MUC7: variants seen among roughly 807,000 people sequenced by gnomAD.
MUC7 encodes the protein mucin-7.
A neutral mutation model predicts 2.5 loss-of-function variants in MUC7; 2 were observed. The observed-to-expected ratio is 0.81, with a 90% CI of 0.33 to 2.55. The LOEUF is 2.55. Among genes scored for constraint, MUC7 ranks in the 30% most tolerant of loss-of-function variants. The pLI, the probability that MUC7 is intolerant of heterozygous loss-of-function variation, is 0.11. For synonymous variants in MUC7, 133 were observed against 173.4 expected (o/e 0.77, Z 1.83); for missense variants, 408 against 455.6 (o/e 0.90, Z 0.95).
chr4:70,449,673 C>G (rs1018140660), intron 1 of MUC7, among the ~76,000 whole-genome samples: 1 of 152,178 alleles, frequency 6.6e-6, no homozygotes, highest in African/African-American at 2.4e-5. Context: ...CACCGCGAGT[C>G]AGTAATGCTG....
intron 1 of MUC7, among the ~76,000 whole-genome samples, chr4:70,458,594 A>C (rs566831485): frequency 1.1e-3 from 173 of 152,252 alleles, no homozygotes; most frequent in African/African-American, 4.1e-3. Flanking sequence ...CACAAGGAAA[A>C]AAAGTAACAA....
chr4:70,436,491 C>T (rs760305651), intron 1 of MUC7, among the ~76,000 whole-genome samples: 9 of 152,114 alleles, frequency 5.9e-5, no homozygotes, highest in East Asian at 1.9e-4. Context: ...TTGATAAAAT[C>T]GGCTATTGAA....
chr4:70,442,525 G>A (rs1368895536), intron 1 of MUC7, among the ~76,000 whole-genome samples: 1 of 152,134 alleles, frequency 6.6e-6, no homozygotes, highest in African/African-American at 2.4e-5. Flanking sequence ...CTCCAGCCTA[G>A]GGGTACATAT....
intron 1 of MUC7, among the ~76,000 whole-genome samples, chr4:70,452,835 A>C (rs950208030): frequency 6.6e-6 from 1 of 152,144 alleles, no homozygotes; most frequent in African/African-American, 2.4e-5. Flanking sequence ...CTTTTCTTTC[A>C]GATCAAAGAA....
Position 70,465,167 on chromosome 4 carries a change from T to C in MUC7, c.-92-7048T>C, listed in dbSNP as rs182495667. Among the ~76,000 whole-genome samples, 12 of 152,240 alleles carry C rather than the reference T, an allele frequency of 7.9e-5. No individual in the cohort carries two copies. In the East Asian group the frequency reaches 2.3e-3, roughly 29 times the overall value. Reference sequence around the variant, plus strand: ...ACCTAGGGCAGAGGGGCCTGACTGTTAGAAGGAAAACTAATAAACAGAAAG... The same window carrying C: ...ACCTAGGGCAGAGGGGCCTGACTGTCAGAAGGAAAACTAATAAACAGAAAG... On this transcript the variant is annotated intron_variant, in intron 1 of 3. Transcript: ENST00000413702.
chr4:70,447,924 G>C (rs111793534), intron 1 of MUC7, among the ~76,000 whole-genome samples: 2 of 151,864 alleles, frequency 1.3e-5, no homozygotes, highest in Non-Finnish European at 2.9e-5. Flanking sequence ...CCATCCACAC[G>C]TGCCCCCAAC....
rs371209695 is a variant in MUC7 at position 70,460,057 on chromosome 4, G to T, written c.-92-12158G>T. ...GAATACAAAGACTTCCTAAATTAAA[G>T]TTATGGGCCCATTTTTGGTAACTAT... On this transcript the variant is annotated intron_variant, in intron 1 of 3. Transcript: ENST00000413702. Among the ~76,000 whole-genome samples the T allele has an allele frequency of 5.1e-4, 77 of 152,104 alleles. 2 individuals carry two copies. The South Asian group carries it at 0.016, about 31-fold the overall frequency.
chr4:70,474,535 A>G (rs1444871355), intron 2 of MUC7, among the ~76,000 whole-genome samples: 1 of 150,308 alleles, frequency 6.7e-6, no homozygotes, highest in Non-Finnish European at 1.5e-5. Flanking sequence ...ACAGATAGGT[A>G]GATAGACTAG....
At chr4:70,468,598 C>A (rs545042166), upstream of MUC7, among the ~76,000 whole-genome samples, 3 of 152,264 alleles carry the variant, frequency 2.0e-5, no homozygotes, top group East Asian at 3.9e-4. Context: ...AAATCACAAG[C>A]ATTCCTATAC....
chr4:70,481,279 C>G lies in MUC7; in HGVS notation c.535C>G (p.Pro179Ala), dbSNP rs913823703. The change falls in exon 3 of 3, where the codon CCA becomes GCA. Residue 179 changes from proline (P) to alanine (A), a missense_variant. Physicochemically the swap from Pro to Ala is conservative, Grantham distance 27 (BLOSUM62 -1). Around this residue, in one of 3 missense-constraint regions of MUC7, gnomAD observed 225 missense variants for 240.5 expected, o/e 0.94. Coordinates refer to ENST00000304887, the MANE Select transcript of MUC7 (RefSeq NM_152291.3). ...CACACCTTCTGCAACTACACCAGCT[C>G]CACCATCTTCCTCAGCTCCACCAGA... ...PPTPSATTPA[P>A]PSSSAPPETT... 6.2e-7 allele frequency: 1 copy of G among 1,613,678 alleles called. No homozygotes were observed. The highest frequency in any genetic ancestry group is 1.3e-5 in the African/African-American group (1 of 74,826).
At chr4:70,434,057 C>T (rs1733754198) in intron 1 of MUC7, among the ~76,000 whole-genome samples, 1 of 152,028 alleles carries the variant, frequency 6.6e-6, no homozygotes, top group Non-Finnish European at 1.5e-5. Flanking sequence ...AGCCTTGCAT[C>T]ACAAGGACGA....
At chr4:70,430,724 A>G (rs1733637179) in intron 1 of MUC7, 1 of 152,150 alleles carries the variant, frequency 6.6e-6, no homozygotes, top group Non-Finnish European at 1.5e-5. Flanking sequence ...AGACTTTTGA[A>G]TAGAGAATCA....
At chr4:70,449,866 G>A (rs916757868) in intron 1 of MUC7, among the ~76,000 whole-genome samples, 1 of 152,184 alleles carries the variant, frequency 6.6e-6, no homozygotes, top group Non-Finnish European at 1.5e-5. Flanking sequence ...CACCTCTGTG[G>A]CTACCACCAC....
At chr4:70,477,145 C>T (rs1735028114) in intron 2 of MUC7, among the ~76,000 whole-genome samples, 1 of 152,136 alleles carries the variant, frequency 6.6e-6, no homozygotes, top group African/African-American at 2.4e-5. Flanking sequence ...TGCCGTGGCT[C>T]ACACCTGTAA....
At chr4:70,431,830 G>A (rs1279926152) in intron 1 of MUC7, among the ~76,000 whole-genome samples, 1 of 152,060 alleles carries the variant, frequency 6.6e-6, no homozygotes, top group Non-Finnish European at 1.5e-5. Context: ...CATGTGCCAT[G>A]TTGGTGTGCT....
intron 2 of MUC7, among the ~76,000 whole-genome samples, chr4:70,477,132 G>A (rs1014154199): frequency 2.6e-5 from 4 of 152,120 alleles, no homozygotes; most frequent in African/African-American, 7.2e-5. Flanking sequence ...ATCTTGGGCC[G>A]GGTGCCGTGG....
intron 2 of MUC7, among the ~76,000 whole-genome samples, chr4:70,475,400 G>A (rs1379570949): frequency 6.6e-6 from 1 of 152,184 alleles, no homozygotes; most frequent in Admixed American, 6.5e-5. Context: ...GTTGTCTGGA[G>A]TTCAGAAAGA....
chr4:70,440,060 A>G (rs372254338), intron 1 of MUC7, among the ~76,000 whole-genome samples: 1 of 152,140 alleles, frequency 6.6e-6, no homozygotes, highest in African/African-American at 2.4e-5. Context: ...CATATATGTC[A>G]TCTCGAATGT....
At chr4:70,459,966 C>A (rs928838985) in intron 1 of MUC7, among the ~76,000 whole-genome samples, 2 of 152,084 alleles carry the variant, frequency 1.3e-5, no homozygotes, top group Admixed American at 1.3e-4. Context: ...ATTATTAAAA[C>A]AAGACAAATC....
Sources: allele counts gnomAD v4.1 joint callset (sites outside exome capture counted in the v4.1 genomes callset), GRCh38; gene constraint gnomAD v4.1.1; regional missense constraint gnomAD v4.1.1; transcripts MANE v1.5; gene names NCBI Gene and HGNC (gene_info 2026-07-23, HGNC 2026-07-21).